SH3KBP1: variants seen among roughly 807,000 people sequenced by gnomAD.
The protein encoded by SH3KBP1 is SH3 domain containing kinase binding protein 1, also known as SH3 domain-containing kinase-binding protein 1.
SH3KBP1 carries 8 observed loss-of-function variants against 50.1 expected under a neutral mutation model. That is an observed-to-expected ratio of 0.16 (90% CI 0.09 to 0.29). SH3KBP1 has a LOEUF of 0.29. Ranked by LOEUF, SH3KBP1 falls within the 10% of genes least tolerant of loss-of-function variation. SH3KBP1 has a pLI of 1.00. For missense variants in SH3KBP1, 377 were observed against 535.2 expected, an observed-to-expected ratio of 0.70 and a Z score of 2.92; for synonymous variants, 227 against 218.6, an observed-to-expected ratio of 1.04 and a Z score of -0.34.
At chrX:19,671,015 C>A in intron 6 of SH3KBP1, 1 of 1,054,132 alleles carries the variant, frequency 9.5e-7, no homozygotes, top group Non-Finnish European at 1.2e-6. Context: ...ATGGGGAGAA[C>A]AAAGCTCGCA....
intron 6 of SH3KBP1, among the ~76,000 whole-genome samples, chrX:19,658,960 C>CT (rs1178563446): frequency 2.5e-4 from 25 of 101,521 alleles, no homozygotes; most frequent in Admixed American, 4.2e-4. Flanking sequence ...GTAAGGTACA[C>CT]TTTTTTTTTT....
At chrX:19,774,654 A>AAAG (rs2065906783) in intron 2 of SH3KBP1, among the ~76,000 whole-genome samples, 3 of 77,277 alleles carry the variant, frequency 3.9e-5, no homozygotes, top group South Asian at 7.0e-4. Context: ...GTCTCAAAAA[A>AAAG]AAAGAAAGAA....
intron 2 of SH3KBP1, among the ~76,000 whole-genome samples, chrX:19,824,901 A>G (rs1368031485): frequency 8.9e-6 from 1 of 112,073 alleles, no homozygotes; most frequent in African/African-American, 3.2e-5. Context: ...TAATTACTCC[A>G]GACCCTACTT....
In SH3KBP1 at chrX:19,760,387, A is replaced by AAAATAAAT. The variant is rs761098345; in HGVS notation, c.163-13954_163-13947dup. On this transcript the variant is annotated intron_variant, in intron 2 of 17. Transcript: ENST00000397821. ...GGGCAACAGAGTGAGATTCTGTCTC[A>AAAATAAAT]AAATAAATAAATACATACATACATA... Among the ~76,000 whole-genome samples, 759 of 93,953 alleles carry AAAATAAAT rather than the reference A, an allele frequency of 8.1e-3. 10 individuals carry two copies. The highest frequency in any genetic ancestry group is 0.027 in the African/African-American group (621 of 22,746). The allele number at this position is 93,953 out of a possible 115,157, so 81.6% of individuals were successfully genotyped here.
At chrX:19,575,085 C>T (rs138179494) in intron 12 of SH3KBP1, among the ~76,000 whole-genome samples, 32 of 112,352 alleles carry the variant, frequency 2.8e-4, no homozygotes, top group African/African-American at 9.0e-4. Flanking sequence ...AAACAGCCAA[C>T]GACAACGGCT....
At chrX:19,703,006 G>A (rs1230106259) in intron 4 of SH3KBP1, among the ~76,000 whole-genome samples, 1 of 112,240 alleles carries the variant, frequency 8.9e-6, no homozygotes, top group African/African-American at 3.2e-5. Flanking sequence ...GGAGCCAGAA[G>A]CATGGCAGGT....
chrX:19,563,695 A>G (rs1045119352), intron 13 of SH3KBP1, among the ~76,000 whole-genome samples: 1 of 112,142 alleles, frequency 8.9e-6, no homozygotes. Flanking sequence ...GCACACGTCC[A>G]CACATGGGCA....
At chrX:19,872,268 A>AG (rs2069068669) in intron 1 of SH3KBP1, among the ~76,000 whole-genome samples, 1 of 103,430 alleles carries the variant, frequency 9.7e-6, no homozygotes, top group African/African-American at 3.6e-5. Flanking sequence ...AAAAAAAAAA[A>AG]AAAAAGAAAG....
intron 8 of SH3KBP1, among the ~76,000 whole-genome samples, chrX:19,618,426 G>A (rs192947409): frequency 6.7e-5 from 7 of 104,924 alleles, no homozygotes; most frequent in African/African-American, 2.5e-4. Flanking sequence ...TCTATCTGGA[G>A]CCTCTTCAGA....
At chrX:19,536,995 G>A (rs2064728648) in intron 17 of SH3KBP1, among the ~76,000 whole-genome samples, 1 of 112,094 alleles carries the variant, frequency 8.9e-6, no homozygotes, top group Non-Finnish European at 1.9e-5. Context: ...AGAGGCTACA[G>A]GGGACAGAGC....
intron 7 of SH3KBP1, among the ~76,000 whole-genome samples, chrX:19,641,320 T>C (rs1013883715): frequency 2.7e-5 from 3 of 112,054 alleles, no homozygotes; most frequent in African/African-American, 9.7e-5. Context: ...TGTTTTGATT[T>C]TTTGTTTTGT....
At chrX:19,573,184 C>CAT (rs2066098763) in intron 12 of SH3KBP1, among the ~76,000 whole-genome samples, 1 of 112,055 alleles carries the variant, frequency 8.9e-6, no homozygotes, top group Non-Finnish European at 1.9e-5. Flanking sequence ...CAAACAAAAT[C>CAT]ATATATATAG....
chrX:19,648,871 G>A (rs59102548), intron 6 of SH3KBP1, among the ~76,000 whole-genome samples: 8,035 of 110,808 alleles, frequency 0.073, 719 homozygotes, highest in African/African-American at 0.25. Context: ...TTGCTTTCCC[G>A]TCAGCCTTCC....
chrX:19,873,273 C>CATATATATATATATATGTATAT (rs1448115367), intron 1 of SH3KBP1, among the ~76,000 whole-genome samples: 2 of 78,619 alleles, frequency 2.5e-5, no homozygotes, highest in Non-Finnish European at 4.8e-5. Context: ...AAAACAAGGA[C>CATATATATATATATATGTATAT]ATATATATAT....
At chrX:19,713,584 T>C (rs951531748) in intron 3 of SH3KBP1, among the ~76,000 whole-genome samples, 1 of 111,120 alleles carries the variant, frequency 9.0e-6, no homozygotes, top group Middle Eastern at 4.6e-3. Flanking sequence ...TTCTTATTCA[T>C]ATATAATAGT....
At chrX:19,570,235 C>T (rs1358830856) in intron 12 of SH3KBP1, among the ~76,000 whole-genome samples, 3 of 111,843 alleles carry the variant, frequency 2.7e-5, no homozygotes. Context: ...CTATAAGACG[C>T]AGGTGTCACA....
intron 4 of SH3KBP1, among the ~76,000 whole-genome samples, chrX:19,705,236 A>G (rs1236206955): frequency 8.9e-6 from 1 of 112,244 alleles, no homozygotes; most frequent in Non-Finnish European, 1.9e-5. Context: ...TATCATTGTT[A>G]TAATAGCTTC....
intron 14 of SH3KBP1, among the ~76,000 whole-genome samples, chrX:19,549,553 G>A (rs2065181623): frequency 9.0e-6 from 1 of 111,709 alleles, no homozygotes; most frequent in South Asian, 3.7e-4. Flanking sequence ...GGATTTGAGA[G>A]AGAAAGGTTC....
chrX:19,552,164 T>G (rs2065260351), intron 13 of SH3KBP1, among the ~76,000 whole-genome samples: 1 of 112,430 alleles, frequency 8.9e-6, no homozygotes, highest in Non-Finnish European at 1.9e-5. Context: ...TAATTGTTGT[T>G]GCACTGCAAT....
Sources: allele counts gnomAD v4.1 joint callset (sites outside exome capture counted in the v4.1 genomes callset), GRCh38; gene constraint gnomAD v4.1.1; transcripts MANE v1.5; gene names NCBI Gene and HGNC (gene_info 2026-07-23, HGNC 2026-07-21).